Variants in CPS1 observed in about 807,000 individuals in gnomAD.
CPS1 encodes the protein carbamoyl-phosphate synthase [ammonia], mitochondrial.
A neutral mutation model predicts 174.6 loss-of-function variants in CPS1; 109 were observed. The ratio of observed to expected loss-of-function variants is 0.62; its 90% CI spans 0.53 to 0.73. CPS1 has a LOEUF of 0.73. Among genes scored for constraint, CPS1 ranks in the 30% least tolerant of loss-of-function variants. The probability of loss-of-function intolerance (pLI) is 0.00; values close to 1 mark genes in which losing one functional copy is unlikely to be tolerated. For missense variants in CPS1, 1,689 were observed against 1,821.9 expected, an observed-to-expected ratio of 0.93 and a Z score of 1.33; for synonymous variants, 637 against 632.0, an observed-to-expected ratio of 1.01 and a Z score of -0.12.
upstream of CPS1, chr2:210,555,778 C>A (rs376850481): frequency 1.5e-5 from 6 of 406,408 alleles, no homozygotes; most frequent in Admixed American, 1.3e-4. Flanking sequence ...CAGTGAGGCC[C>A]CTTGAGAGCC....
intron 1 of CPS1, among the ~76,000 whole-genome samples, chr2:210,550,117 T>C (rs1340561145): frequency 6.6e-6 from 1 of 152,076 alleles, no homozygotes; most frequent in Non-Finnish European, 1.5e-5. Context: ...AATAGCTTTA[T>C]TTCCGTATTA....
chr2:210,527,170 C>G (rs1695997044), intron 1 of CPS1, among the ~76,000 whole-genome samples: 2 of 151,644 alleles, frequency 1.3e-5, no homozygotes, highest in South Asian at 2.1e-4. Flanking sequence ...ACATATTTCT[C>G]TATGTTCATA....
At chr2:210,588,225 A>C (rs536659502) in intron 7 of CPS1, 78 bp downstream of exon 7, 1 of 1,244,284 alleles carries the variant, frequency 8.0e-7, no homozygotes, top group East Asian at 2.3e-5. Flanking sequence ...TCTGTCACAG[A>C]GAAACTTATG....
chr2:210,485,009 A>G (rs1387055723), intron 1 of CPS1, among the ~76,000 whole-genome samples: 3 of 151,712 alleles, frequency 2.0e-5, no homozygotes, highest in Non-Finnish European at 2.9e-5. Context: ...TGGGCAGATC[A>G]TGAGGTCAGG....
intron 35 of CPS1, 34 bp from the exon 36 acceptor site, chr2:210,675,694 G>C (rs1389740630): frequency 1.1e-6 from 1 of 951,188 alleles, no homozygotes; most frequent in South Asian, 1.3e-5. Flanking sequence ...AAATCACTGT[G>C]ATACGGTAAT....
chr2:210,610,454 C>T (rs547141994), intron 19 of CPS1, among the ~76,000 whole-genome samples: 15 of 151,970 alleles, frequency 9.9e-5, no homozygotes, highest in Admixed American at 8.5e-4. Flanking sequence ...ACATTGTCTG[C>T]AGTTGGTAAA....
chr2:210,676,897 A>T (rs1014045580), intron 36 of CPS1, 110 bp from the exon 37 acceptor site: 3 of 997,910 alleles, frequency 3.0e-6, no homozygotes, highest in Non-Finnish European at 4.7e-6. Flanking sequence ...ATGGCAGTCA[A>T]CTCAGCATGG....
chr2:210,601,389 C>A (rs957287060), intron 15 of CPS1, among the ~76,000 whole-genome samples: 2 of 151,914 alleles, frequency 1.3e-5, no homozygotes, highest in Non-Finnish European at 2.9e-5. Context: ...AACAGGCACA[C>A]CCTTAGGAAT....
At chr2:210,489,253 T>G (rs1194321938) in intron 1 of CPS1, among the ~76,000 whole-genome samples, 3 of 152,182 alleles carry the variant, frequency 2.0e-5, no homozygotes, top group African/African-American at 7.2e-5. Flanking sequence ...TTCTCTCCTA[T>G]CTCCTAATGG....
intron 1 of CPS1, among the ~76,000 whole-genome samples, chr2:210,544,566 AC>A (rs2106017499): frequency 6.6e-6 from 1 of 152,182 alleles, no homozygotes; most frequent in South Asian, 2.1e-4. Context: ...ACTCTATGTA[AC>A]ATTTATATAT....
chr2:210,529,912 A>G (rs548168439), intron 1 of CPS1, among the ~76,000 whole-genome samples: 1 of 152,188 alleles, frequency 6.6e-6, no homozygotes, highest in East Asian at 1.9e-4. Flanking sequence ...AGACATTTTT[A>G]GTCAAAAGCA....
intron 21 of CPS1, among the ~76,000 whole-genome samples, chr2:210,620,602 A>G (rs1249550731): frequency 6.6e-6 from 1 of 152,062 alleles, no homozygotes; most frequent in Non-Finnish European, 1.5e-5. Context: ...TCTTACAATC[A>G]TGGCGGAAGG....
At chr2:210,606,194 C>G (rs1010057202) in intron 17 of CPS1, among the ~76,000 whole-genome samples, 33 of 151,942 alleles carry the variant, frequency 2.2e-4, no homozygotes, top group African/African-American at 7.7e-4. Flanking sequence ...GGCAAACTTT[C>G]AAGAAGCTCA....
chr2:210,622,267 A>G (rs1238290010), intron 21 of CPS1, among the ~76,000 whole-genome samples: 1 of 151,746 alleles, frequency 6.6e-6, no homozygotes, highest in Non-Finnish European at 1.5e-5. Context: ...ATATTTGTGT[A>G]TACCATAGAT....
intron 29 of CPS1, among the ~76,000 whole-genome samples, chr2:210,655,075 CTT>C (rs35970365): frequency 1.3e-5 from 2 of 152,044 alleles, no homozygotes; most frequent in East Asian, 3.9e-4. Context: ...ATTGTGGTCA[CTT>C]TTTTTTGACA....
chr2:210,648,094 A>C, intron 26 of CPS1, 37 bp downstream of exon 26: 1 of 1,600,982 alleles, frequency 6.2e-7, no homozygotes, highest in African/African-American at 1.3e-5. Flanking sequence ...CTAATGTTCT[A>C]TTTTGAAGAG....
Position 210,648,550 on chromosome 2 carries a change from T to C in CPS1, c.3404+10T>C, listed in dbSNP as rs750058063. 3 of 1,610,450 alleles carry C rather than the reference T, an allele frequency of 1.9e-6. No individual in the cohort carries two copies. The highest frequency in any genetic ancestry group is 1.1e-5 in the South Asian group (1 of 90,938). ...CTTCCTATGTTTTGAGGTAACACTG[T>C]ATATTGTTTTCCAAAACAATGATTC... On this transcript the variant is annotated intron_variant, in intron 27 of 37. Coordinates refer to ENST00000233072, the MANE Select transcript of CPS1 (RefSeq NM_001875.5).
chr2:210,630,550 G>T (rs1245747079), intron 21 of CPS1, among the ~76,000 whole-genome samples: 1 of 152,096 alleles, frequency 6.6e-6, no homozygotes, highest in African/African-American at 2.4e-5. Context: ...ATACTGTCAC[G>T]TGAACATTGG....
intron 21 of CPS1, among the ~76,000 whole-genome samples, chr2:210,635,144 C>T (rs149788741): frequency 2.2e-4 from 34 of 152,186 alleles, no homozygotes; most frequent in African/African-American, 6.0e-4. Flanking sequence ...GGGGTTTCAC[C>T]ATGTTGGCCA....
Sources: gnomAD v4.1 joint callset for allele counts (sites outside exome capture counted in the v4.1 genomes callset) on GRCh38, gnomAD v4.1.1 for gene constraint, MANE v1.5 for transcripts, NCBI Gene and HGNC (gene_info 2026-07-23, HGNC 2026-07-21) for gene names.